The following BOD1L1 variants were observed in gnomAD, a reference collection of about 807,000 sequenced individuals.
BOD1L1 encodes biorientation of chromosomes in cell division protein 1-like 1.
Under a neutral mutation model 240.7 loss-of-function variants are expected in BOD1L1, and 86 were observed. That is an observed-to-expected ratio of 0.36 (90% CI 0.30 to 0.43). The LOEUF is 0.43. Among genes scored for constraint, BOD1L1 ranks in the 20% least tolerant of loss-of-function variants. BOD1L1 has a pLI of 1.00. For missense variants in BOD1L1, 3,554 were observed against 3,643.5 expected, an observed-to-expected ratio of 0.98 and a Z score of 0.63; for synonymous variants, 1,268 against 1,272.3, an observed-to-expected ratio of 1.00 and a Z score of 0.07.
At chr4:13,598,280 C>T (rs1004177730) in intron 10 of BOD1L1, among the ~76,000 whole-genome samples, 1 of 152,144 alleles carries the variant, frequency 6.6e-6, no homozygotes, top group Non-Finnish European at 1.5e-5. Context: ...AAACTAGAAA[C>T]TCATTTCACC....
At position 13,581,023 on chromosome 4, in the gene BOD1L1, G is replaced by A. The variant is rs1416522112; in HGVS notation, c.8700C>T (p.Val2900=). Residue 2900 remains valine, a synonymous_variant, in exon 21 of 26, where the codon GTC becomes GTT. Transcript: ENST00000040738. ...KDDSKTDTGI[V]TVEQSPSSSK... ...GTCATGTTTTGCAATTACTTACAGTGACAATGCCAGTATCTGTTTTGGAGT... is the reference window on the plus strand; with the variant it reads ...GTCATGTTTTGCAATTACTTACAGTAACAATGCCAGTATCTGTTTTGGAGT... 1.9e-6 allele frequency: 3 copies of A among 1,573,634 alleles called. No individual in the cohort carries two copies. The African/African-American group carries it at 4.1e-5, about 21-fold the overall frequency.
intron 16 of BOD1L1, among the ~76,000 whole-genome samples, chr4:13,586,685 A>G (rs1713722871): frequency 6.6e-6 from 1 of 152,190 alleles, no homozygotes; most frequent in Non-Finnish European, 1.5e-5. Flanking sequence ...AAAATACAAA[A>G]ATCCCCATAT....
At chr4:13,593,337 A>G (rs1398345084) in intron 12 of BOD1L1, 2 of 152,170 alleles carry the variant, frequency 1.3e-5, no homozygotes, top group Non-Finnish European at 2.9e-5. Flanking sequence ...GAGGCCATTA[A>G]AAGACCTAAA....
chr4:13,614,903 A>G, intron 3 of BOD1L1, 93 bp from the exon 4 acceptor site: 1 of 1,294,328 alleles, frequency 7.7e-7, no homozygotes, highest in Non-Finnish European at 1.0e-6. Flanking sequence ...TCTTTATATG[A>G]TGCATATGCT....
chr4:13,570,198 T>A, intron 25 of BOD1L1, 70 bp from the exon 26 acceptor site: 1 of 1,138,514 alleles, frequency 8.8e-7, no homozygotes, highest in Non-Finnish European at 1.2e-6. Flanking sequence ...GGGAGTTCCT[T>A]AAAAAACAGA....
rs767922444 is a variant in BOD1L1, at chr4:13,601,206, A to C, written c.5694T>G (p.Ile1898Met). 2 of 1,613,896 alleles carry C rather than the reference A, an allele frequency of 1.2e-6. No individual in the cohort carries two copies. Among genetic ancestry groups the C allele is most frequent in the Non-Finnish European group, 1.7e-6 (2 of 1,179,868 alleles). Residue 1898 changes from isoleucine to methionine, a missense_variant, in exon 10 of 26, where the codon ATT (isoleucine) becomes ATG (methionine). This residue lies in a region of BOD1L1 where 3,393 missense variants were observed against 3,427.1 expected (regional missense o/e 0.99). Coordinates refer to ENST00000040738, the MANE Select transcript of BOD1L1 (RefSeq NM_148894.3). The stretch of plus-strand genomic sequence containing the variant: ...GACTGTCCCCTTCTGCACTTTCACA[A>C]ATCAAGACCCCTTCACTTTCTTCTC... ...GLGEESEGVL[I>M]CESAEGDSQI...
intron 12 of BOD1L1, chr4:13,593,649 G>A (rs867852938): frequency 6.6e-6 from 1 of 152,030 alleles, no homozygotes; most frequent in Non-Finnish European, 1.5e-5. Flanking sequence ...AGTCAAGTAC[G>A]TATCTTTATT....
rs1380888488 is a variant in BOD1L1 at position 13,599,552 on chromosome 4, T to C, written c.7348A>G (p.Lys2450Glu). Reference protein sequence around the residue: ...EIGPFAGRGQKESTLHLINAE... With the variant: ...EIGPFAGRGQEESTLHLINAE... ...TTTATGAGGTGTAAAGTGCTCTCTT[T>C]CTGTCCTCTTCCTGCAAATGGTCCT... is the stretch of plus-strand genomic sequence containing the variant. Residue 2450 changes from lysine (K) to glutamate (E), a missense_variant, in exon 10 of 26, where the codon AAA becomes GAA. Physicochemically the swap from Lys to Glu is moderately conservative, Grantham distance 56 (BLOSUM62 1). This residue lies in a region of BOD1L1 where 3,393 missense variants were observed against 3,427.1 expected (regional missense o/e 0.99). Transcript: ENST00000040738. 6.2e-7 allele frequency: 1 copy of C among 1,614,046 alleles called. No homozygotes were observed. The highest frequency in any genetic ancestry group is 8.5e-7 in the Non-Finnish European group (1 of 1,179,894).
chr4:13,606,768 G>A (rs1715740644), intron 9 of BOD1L1, among the ~76,000 whole-genome samples: 1 of 152,166 alleles, frequency 6.6e-6, no homozygotes, highest in African/African-American at 2.4e-5. Context: ...GATAAGGAAT[G>A]AGAGGGAATA....
intron 2 of BOD1L1, among the ~76,000 whole-genome samples, chr4:13,617,601 C>T (rs1026395877): frequency 3.3e-5 from 5 of 152,224 alleles, no homozygotes; most frequent in South Asian, 2.1e-4. Context: ...TAGCTAAGTT[C>T]GTTATTCAGT....
rs187293529 is a variant in BOD1L1, at chr4:13,603,330, A to G, written c.3570T>C (p.Asn1190=). 1.1e-4 allele frequency: 181 copies of G among 1,613,968 alleles called. No individual in the cohort carries two copies. The East Asian group carries it at 3.6e-3, about 32-fold the overall frequency. ...AYKPGRGTGV[N]SNSEKHADHR... ...GATCGGCATGCTTTTCAGAATTACT[A>G]TTAACTCCTGTTCCACGGCCTGGCT... is the stretch of plus-strand genomic sequence containing the variant. The change falls in exon 10 of 26, where the codon AAT becomes AAC. Residue 1190 remains asparagine, a synonymous_variant. Transcript: ENST00000040738.
chr4:13,608,625 C>T lies in BOD1L1; in HGVS notation c.1647G>A (p.Leu549=), dbSNP rs1331570869. 1.9e-6 allele frequency: 3 copies of T among 1,556,750 alleles called. No individual in the cohort carries two copies. The highest frequency in any genetic ancestry group is 1.7e-6 in the Non-Finnish European group (2 of 1,153,106). The change falls in exon 8 of 26, where the codon TTG becomes TTA. Residue 549 remains leucine (L), a synonymous_variant. Coordinates refer to ENST00000040738, the MANE Select transcript of BOD1L1 (RefSeq NM_148894.3). ...CTTTAATTCTGGCGGCTTTAGGTTC[C>T]AAACTCTTTGTTGATGATTCTTCTA... The part of the protein sequence containing the change: ...VDLEESSTKS[L]EPKAARIKEV...
chr4:13,570,031 C>G lies in BOD1L1; in HGVS notation c.9136G>C (p.Val3046Leu), dbSNP rs372133509. 6.2e-6 allele frequency: 10 copies of G among 1,602,740 alleles called. No homozygotes were observed. The highest frequency in any genetic ancestry group is 8.5e-6 in the Non-Finnish European group (10 of 1,175,582). ...RGQQRVEEAP[V>L]KKAKR ...CAGGATTATCGCTTCGCTTTTTTCACAGGGGCTTCCTCCACCCTTTGCTGG... is the reference window on the plus strand; with the variant it reads ...CAGGATTATCGCTTCGCTTTTTTCAGAGGGGCTTCCTCCACCCTTTGCTGG... Residue 3046 changes from valine (V) to leucine (L), a missense_variant, in exon 26 of 26, where the codon GTG (valine) becomes CTG (leucine). Coordinates refer to ENST00000040738, the MANE Select transcript of BOD1L1 (RefSeq NM_148894.3).
chr4:13,592,084 T>G lies in BOD1L1; in HGVS notation c.8105-118A>C. The G allele has an allele frequency of 9.2e-6, 6 of 653,130 alleles. No homozygotes were observed. The South Asian group carries it at 1.3e-4, about 14-fold the overall frequency. 40.5% of individuals were successfully genotyped at this position (653,130 alleles called of 1,614,324 possible). On this transcript the variant is annotated intron_variant, in intron 12 of 25. Coordinates refer to ENST00000040738, the MANE Select transcript of BOD1L1 (RefSeq NM_148894.3). ...ATCCTATGTCACCAAGTGGCTTAGC[T>G]GCTTTCATAAATTATAAAAATCTGA...
chr4:13,602,917 T>C lies in BOD1L1; in HGVS notation c.3983A>G (p.Gln1328Arg). The change falls in exon 10 of 26, where the codon CAA becomes CGA. Residue 1328 changes from glutamine to arginine, a missense_variant. Gln to Arg is a conservative substitution (Grantham distance 43). Coordinates refer to ENST00000040738, the MANE Select transcript of BOD1L1 (RefSeq NM_148894.3). ...TTCTGATTCCCTAACAGTCAGACTT[T>C]GGTTAGGGAGAGCAGAGTGATCCGC... ...SPADHSALPN[Q>R]SLTVRESEVL... The C allele has an allele frequency of 1.9e-6, 3 of 1,614,040 alleles. No individual in the cohort carries two copies. Among genetic ancestry groups the C allele is most frequent in the Non-Finnish European group, 2.5e-6 (3 of 1,179,898 alleles).
At chr4:13,581,250 A>T (rs73231565) in intron 19 of BOD1L1, 43 bp from the exon 20 acceptor site, 52,809 of 1,336,260 alleles carry the variant, frequency 0.04, 1,336 homozygotes, top group Non-Finnish European at 0.047. Context: ...AAGAAAAAAA[A>T]TTTTATCCTT....
Position 13,600,009 on chromosome 4 carries a change from G to A in BOD1L1, c.6891C>T (p.Thr2297=). ...MGDTAMISTS[T]SEGCEAVMIG... is the part of the protein sequence containing the mutation. ...TCATGACTGCTTCACACCCTTCAGA[G>A]GTGCTTGTGGAAATCATGGCGGTGT... Residue 2297 remains threonine, a synonymous_variant, in exon 10 of 26, where the codon ACC becomes ACT. Coordinates refer to ENST00000040738, the MANE Select transcript of BOD1L1 (RefSeq NM_148894.3). The A allele has an allele frequency of 1.2e-6, 2 of 1,610,204 alleles. No individual in the cohort carries two copies. The highest frequency in any genetic ancestry group is 1.7e-6 in the Non-Finnish European group (2 of 1,178,118).
Position 13,603,752 on chromosome 4 carries a change from T to C in BOD1L1, c.3148A>G (p.Ser1050Gly). ...SDDKDGKEVD[S>G]SHEKARGNSS... ...TTACCTCTGGCCTTTTCATGACTACTGTCAACTTCTTTACCATCCTTGTCA... is the reference window on the plus strand; with the variant it reads ...TTACCTCTGGCCTTTTCATGACTACCGTCAACTTCTTTACCATCCTTGTCA... Residue 1050 changes from serine (S) to glycine (G), a missense_variant, in exon 10 of 26, where the codon AGT becomes GGT. Transcript: ENST00000040738. 1.9e-6 allele frequency: 3 copies of C among 1,613,900 alleles called. No individual in the cohort carries two copies. The highest frequency in any genetic ancestry group is 2.5e-6 in the Non-Finnish European group (3 of 1,179,854).
Position 13,599,793 on chromosome 4 carries a change from G to A in BOD1L1, c.7107C>T (p.Ser2369=). Residue 2369 remains serine, a synonymous_variant, in exon 10 of 26, where the codon AGC becomes AGT. Coordinates refer to ENST00000040738, the MANE Select transcript of BOD1L1 (RefSeq NM_148894.3). ...GGCTGGGCATGGGGACCTTGTGCTTGCTCACTTCTGTGGCTGACAGGTCAC... is the reference window on the plus strand; with the variant it reads ...GGCTGGGCATGGGGACCTTGTGCTTACTCACTTCTGTGGCTGACAGGTCAC... ...GNGDLSATEV[S]KHKVPMPSLI... The A allele has an allele frequency of 2.5e-6, 4 of 1,614,006 alleles. No homozygotes were observed. Among genetic ancestry groups the A allele is most frequent in the Non-Finnish European group, 3.4e-6 (4 of 1,179,892 alleles).
Sources: gnomAD v4.1 joint callset for allele counts (sites outside exome capture counted in the v4.1 genomes callset) on GRCh38, gnomAD v4.1.1 for gene constraint, gnomAD v4.1.1 regional missense constraint, MANE v1.5 for transcripts, NCBI Gene and HGNC (gene_info 2026-07-23, HGNC 2026-07-21) for gene names.